TLE4: variants seen among roughly 807,000 people sequenced by gnomAD.
TLE4 encodes transducin-like enhancer protein 4.
In TLE4, 8 loss-of-function variants were observed where a neutral mutation model predicts 92.8. The ratio of observed to expected loss-of-function variants is 0.09; its 90% CI spans 0.05 to 0.16. The LOEUF (loss-of-function observed/expected upper bound fraction) is 0.16. Among genes scored for constraint, TLE4 ranks in the 10% least tolerant of loss-of-function variants. TLE4 has a pLI of 1.00. For synonymous variants in TLE4, 371 were observed against 374.1 expected (o/e 0.99, Z 0.10); for missense variants, 675 against 997.6 (o/e 0.68, Z 4.36).
At chr9:79,652,844 A>G (rs1215660192) in intron 7 of TLE4, 50 bp downstream of exon 7, 5 of 1,563,220 alleles carry the variant, frequency 3.2e-6, no homozygotes, top group Non-Finnish European at 3.5e-6. Flanking sequence ...CTTGCTGCTG[A>G]GGGTAGGTTC....
At chr9:79,651,071 C>T (rs1349648618) in intron 6 of TLE4, among the ~76,000 whole-genome samples, 1 of 147,978 alleles carries the variant, frequency 6.8e-6, no homozygotes, top group Non-Finnish European at 1.5e-5. Flanking sequence ...CTCTCTCTGT[C>T]CCTGTCCCTA....
At position 79,572,357 on chromosome 9, in the gene TLE4, C is replaced by T. The variant is rs2036045477; in HGVS notation, c.-434C>T. 1.3e-5 allele frequency: 2 copies of T among 152,194 alleles called. No homozygotes were observed. Among genetic ancestry groups the T allele is most frequent in the East Asian group, 3.9e-4 (2 of 5,180 alleles). 9.4% of individuals were successfully genotyped at this position (152,194 alleles called of 1,614,324 possible). On this transcript the variant is annotated 5_prime_UTR_variant, in exon 1 of 20. Transcript: ENST00000376552. ...AAAGATCATTCATTCGGAGGAATAA[C>T]AACCAATTAAAAGACAAATAAAAAA...
At chr9:79,640,750 G>A (rs763311408) in intron 6 of TLE4, among the ~76,000 whole-genome samples, 2 of 152,020 alleles carry the variant, frequency 1.3e-5, no homozygotes, top group Non-Finnish European at 2.9e-5. Context: ...TGAACCCCCT[G>A]CATTACCTAC....
chr9:79,627,773 G>A (rs772739284), intron 6 of TLE4: 11 of 256,218 alleles, frequency 4.3e-5, no homozygotes, highest in South Asian at 2.5e-4. Flanking sequence ...TTGCCCTGAC[G>A]TTAAAATGAC....
At chr9:79,637,578 G>A (rs1296389004) in intron 6 of TLE4, among the ~76,000 whole-genome samples, 2 of 152,190 alleles carry the variant, frequency 1.3e-5, no homozygotes, top group Non-Finnish European at 2.9e-5. Flanking sequence ...AATGGAAACT[G>A]GGTATGCTGG....
chr9:79,623,202 TA>T (rs915836400), intron 5 of TLE4, among the ~76,000 whole-genome samples: 16 of 152,166 alleles, frequency 1.1e-4, no homozygotes, highest in Admixed American at 3.9e-4. Context: ...GTTTTATTAT[TA>T]TTTTTTTTTA....
chr9:79,627,673 TAAG>T (rs2052978092), intron 6 of TLE4: 1 of 550,306 alleles, frequency 1.8e-6, no homozygotes, highest in African/African-American at 1.9e-5. Context: ...AACTCTCCTC[TAAG>T]GAGACTGGAT....
At chr9:79,611,311 T>C (rs997672509) in intron 4 of TLE4, among the ~76,000 whole-genome samples, 1 of 152,074 alleles carries the variant, frequency 6.6e-6, no homozygotes, top group Admixed American at 6.6e-5. Flanking sequence ...TCACTGCAGC[T>C]TATTGGTGCT....
At position 79,576,115 on chromosome 9, in the gene TLE4, C is replaced by T; in HGVS notation, c.208-18C>T. ...TTGATGAAAGTCATGCATTTAATTG[C>T]TTTTCCTTCTTTGACAGTATTATGA... On this transcript the variant is annotated intron_variant, in intron 3 of 19. Transcript: ENST00000376552. The T allele has an allele frequency of 6.9e-7, 1 of 1,453,192 alleles. No homozygotes were observed. The allele number at this position is 1,453,192 out of a possible 1,614,324, so 90.0% of individuals were successfully genotyped here. A position where few individuals can be genotyped will look rare whatever the true frequency, so the allele number is the denominator to read the frequency against.
intron 5 of TLE4, among the ~76,000 whole-genome samples, chr9:79,622,131 C>T (rs1038674059): frequency 1.3e-5 from 2 of 152,210 alleles, no homozygotes; most frequent in African/African-American, 4.8e-5. Context: ...TTGGCCTCCT[C>T]CTGTCTTGCC....
intron 6 of TLE4, among the ~76,000 whole-genome samples, chr9:79,645,211 C>G (rs1454846227): frequency 6.6e-6 from 1 of 152,040 alleles, no homozygotes; most frequent in East Asian, 1.9e-4. Context: ...CAAGATATAG[C>G]AGGTTCACCT....
intron 8 of TLE4, among the ~76,000 whole-genome samples, chr9:79,686,519 A>G (rs1179570525): frequency 6.6e-6 from 1 of 152,188 alleles, no homozygotes; most frequent in Non-Finnish European, 1.5e-5. Context: ...TTGGCCCTGC[A>G]TCCAGTGACT....
chr9:79,575,156 T>A (rs920390775), intron 3 of TLE4: 34 of 326,462 alleles, frequency 1.0e-4, no homozygotes, highest in Admixed American at 4.6e-5. Flanking sequence ...TTCAGCCACA[T>A]GGGGTATAAT....
chr9:79,621,809 G>C (rs2051067603), intron 5 of TLE4, among the ~76,000 whole-genome samples: 2 of 152,146 alleles, frequency 1.3e-5, no homozygotes, highest in African/African-American at 2.4e-5. Flanking sequence ...GTCTCTAAAG[G>C]CCTTTTCCAG....
chr9:79,698,575 G>T (rs921298929), intron 8 of TLE4, among the ~76,000 whole-genome samples: 2 of 152,036 alleles, frequency 1.3e-5, no homozygotes, highest in Non-Finnish European at 2.9e-5. Flanking sequence ...AGCAAGTTCT[G>T]TGAGAGTTTT....
chr9:79,681,847 T>C (rs2064739638), intron 8 of TLE4, among the ~76,000 whole-genome samples: 1 of 148,940 alleles, frequency 6.7e-6, no homozygotes, highest in Non-Finnish European at 1.5e-5. Context: ...TGTGTGTGTG[T>C]GTGTGTGTGT....
intron 4 of TLE4, among the ~76,000 whole-genome samples, chr9:79,577,187 T>A (rs1433336413): frequency 6.6e-6 from 1 of 152,132 alleles, no homozygotes; most frequent in Non-Finnish European, 1.5e-5. Context: ...CTTTCTAAGT[T>A]GAGAAAATAT....
At chr9:79,676,272 T>C (rs767691390) in intron 8 of TLE4, among the ~76,000 whole-genome samples, 7 of 152,180 alleles carry the variant, frequency 4.6e-5, no homozygotes, top group Non-Finnish European at 7.3e-5. Flanking sequence ...CTACTGAAAC[T>C]ATTTTGGCTC....
At chr9:79,610,673 T>G (rs1476235952) in intron 4 of TLE4, among the ~76,000 whole-genome samples, 1 of 152,098 alleles carries the variant, frequency 6.6e-6, no homozygotes, top group Non-Finnish European at 1.5e-5. Context: ...CTCCCGTTTC[T>G]GTTGTGTGTG....
Sources: gnomAD v4.1 joint callset for allele counts (sites outside exome capture counted in the v4.1 genomes callset) on GRCh38, gnomAD v4.1.1 for gene constraint, MANE v1.5 for transcripts, NCBI Gene and HGNC (gene_info 2026-07-23, HGNC 2026-07-21) for gene names.